The following DGKB variants were observed in gnomAD, a reference collection of about 807,000 sequenced individuals.
DGKB encodes the protein diacylglycerol kinase beta, also known as 90 kDa diacylglycerol kinase.
DGKB carries 67 observed loss-of-function variants against 114.3 expected under a neutral mutation model. That is an observed-to-expected ratio of 0.59 (90% CI 0.48 to 0.72). DGKB has a LOEUF of 0.72. DGKB is among the 30% of genes least tolerant of loss of function. The pLI is 0.00. For missense variants in DGKB, 907 were observed against 975.2 expected, an observed-to-expected ratio of 0.93 and a Z score of 0.93; for synonymous variants, 398 against 323.1, an observed-to-expected ratio of 1.23 and a Z score of -2.49.
intron 1 of DGKB, among the ~76,000 whole-genome samples, chr7:14,884,419 T>C (rs1854700670): frequency 6.6e-6 from 1 of 151,952 alleles, no homozygotes; most frequent in Non-Finnish European, 1.5e-5. Flanking sequence ...TAGTTATAAA[T>C]AAAATGGATA....
chr7:14,451,051 C>T lies in DGKB; in HGVS notation c.1835+27110G>A, dbSNP rs1273912073. On this transcript the variant is annotated intron_variant, in intron 21 of 25. Coordinates refer to ENST00000402815, the MANE Select transcript of DGKB (RefSeq NM_001350709.2). Reference sequence around the variant, plus strand: ...CCAGAGACCAGGTGGCTTCTGCTACCTTTCAGCAGAAGTAGAGACCATCTG... The same window carrying T: ...CCAGAGACCAGGTGGCTTCTGCTACTTTTCAGCAGAAGTAGAGACCATCTG... Among the ~76,000 whole-genome samples the T allele has an allele frequency of 2.0e-5, 3 of 152,094 alleles. No homozygotes were observed. The East Asian group carries it at 5.8e-4, about 30-fold the overall frequency.
At chr7:14,232,100 C>T (rs144360403) in intron 23 of DGKB, among the ~76,000 whole-genome samples, 10 of 152,020 alleles carry the variant, frequency 6.6e-5, no homozygotes, top group Non-Finnish European at 1.3e-4. Flanking sequence ...TATCCTTTTG[C>T]CTCCCTCTTT....
chr7:14,793,747 T>A (rs1259047387), intron 2 of DGKB, among the ~76,000 whole-genome samples: 1 of 152,060 alleles, frequency 6.6e-6, no homozygotes, highest in East Asian at 1.9e-4. Context: ...GTTTTGTATG[T>A]CAACTTGGCT....
chr7:14,861,719 T>C (rs1040497943), intron 1 of DGKB, among the ~76,000 whole-genome samples: 1 of 152,008 alleles, frequency 6.6e-6, no homozygotes, highest in Non-Finnish European at 1.5e-5. Context: ...AATCATACTC[T>C]ATTTATTTGT....
chr7:14,186,527 C>T (rs1361024013), intron 23 of DGKB, among the ~76,000 whole-genome samples: 1 of 152,050 alleles, frequency 6.6e-6, no homozygotes, highest in Non-Finnish European at 1.5e-5. Context: ...GGTGTCTACA[C>T]AAAGGAAAAG....
At chr7:14,168,724 G>C (rs1355611760) in intron 25 of DGKB, among the ~76,000 whole-genome samples, 1 of 152,184 alleles carries the variant, frequency 6.6e-6, no homozygotes, top group African/African-American at 2.4e-5. Flanking sequence ...CTGGATGCAG[G>C]CATGCGTAGC....
chr7:14,853,642 G>T (rs1195588402), intron 1 of DGKB, among the ~76,000 whole-genome samples: 1 of 151,856 alleles, frequency 6.6e-6, no homozygotes, highest in African/African-American at 2.4e-5. Flanking sequence ...GGATGACGTG[G>T]TCAGGACATC....
intron 20 of DGKB, among the ~76,000 whole-genome samples, chr7:14,504,691 A>G (rs929970493): frequency 1.3e-5 from 2 of 152,214 alleles, no homozygotes; most frequent in Non-Finnish European, 2.9e-5. Flanking sequence ...AAGAACAATC[A>G]GAAAGTACTA....
intron 23 of DGKB, among the ~76,000 whole-genome samples, chr7:14,244,930 G>T (rs977197056): frequency 6.6e-6 from 1 of 152,044 alleles, no homozygotes. Flanking sequence ...TACTATTTTT[G>T]TTATAACAGC....
At chr7:14,578,540 T>A (rs1799490968) in intron 19 of DGKB, among the ~76,000 whole-genome samples, 1 of 152,168 alleles carries the variant, frequency 6.6e-6, no homozygotes, top group Non-Finnish European at 1.5e-5. Flanking sequence ...AACTTGGGCA[T>A]CTTGATACCT....
At chr7:14,285,381 T>C (rs1562839671) in intron 23 of DGKB, among the ~76,000 whole-genome samples, 2 of 152,194 alleles carry the variant, frequency 1.3e-5, no homozygotes, top group Admixed American at 1.3e-4. Context: ...GAGGATGTAG[T>C]AAGTAAATGT....
At chr7:14,512,124 T>C (rs1788067563) in intron 20 of DGKB, among the ~76,000 whole-genome samples, 1 of 152,182 alleles carries the variant, frequency 6.6e-6, no homozygotes, top group South Asian at 2.1e-4. Context: ...TTGCTCAAAA[T>C]AGGGTTGCCA....
intron 23 of DGKB, among the ~76,000 whole-genome samples, chr7:14,267,162 A>G (rs1797636363): frequency 6.6e-6 from 1 of 152,172 alleles, no homozygotes; most frequent in Non-Finnish European, 1.5e-5. Context: ...GCTTTGACCA[A>G]AAGAAAAAAA....
At chr7:14,595,603 A>AATAT (rs1802448403) in intron 17 of DGKB, among the ~76,000 whole-genome samples, 1 of 149,946 alleles carries the variant, frequency 6.7e-6, no homozygotes, top group African/African-American at 2.5e-5. Context: ...TATATATATA[A>AATAT]ATATGTATAA....
At chr7:14,688,780 C>G (rs530971141) in intron 9 of DGKB, among the ~76,000 whole-genome samples, 1 of 151,866 alleles carries the variant, frequency 6.6e-6, no homozygotes, top group Non-Finnish European at 1.5e-5. Flanking sequence ...ACTTTTAAAA[C>G]CTATTATCCT....
intron 13 of DGKB, among the ~76,000 whole-genome samples, chr7:14,637,723 A>C (rs1485973568): frequency 6.6e-6 from 1 of 151,888 alleles, no homozygotes; most frequent in African/African-American, 2.4e-5. Flanking sequence ...AAGTGAGAGA[A>C]ATAATGGTTC....
At chr7:14,753,225 C>T (rs781773362) in intron 4 of DGKB, among the ~76,000 whole-genome samples, 1 of 152,118 alleles carries the variant, frequency 6.6e-6, no homozygotes, top group Non-Finnish European at 1.5e-5. Flanking sequence ...GACAATATTA[C>T]GGTTTTAGAT....
chr7:14,413,290 G>A (rs1825188932), intron 21 of DGKB, among the ~76,000 whole-genome samples: 1 of 152,144 alleles, frequency 6.6e-6, no homozygotes, highest in Non-Finnish European at 1.5e-5. Flanking sequence ...TGATGAAGAT[G>A]ACATAGAACT....
intron 21 of DGKB, among the ~76,000 whole-genome samples, chr7:14,461,952 T>A (rs1258297696): frequency 6.6e-6 from 1 of 152,166 alleles, no homozygotes; most frequent in Non-Finnish European, 1.5e-5. Flanking sequence ...TGGTTCAACA[T>A]ATGCAAATCA....
Sources: gnomAD v4.1 joint callset for allele counts (sites outside exome capture counted in the v4.1 genomes callset) on GRCh38, gnomAD v4.1.1 for gene constraint, MANE v1.5 for transcripts, NCBI Gene and HGNC (gene_info 2026-07-23, HGNC 2026-07-21) for gene names.